CACNA1A: variants seen among roughly 807,000 people sequenced by gnomAD.
The protein encoded by CACNA1A is voltage-dependent P/Q-type calcium channel subunit alpha-1A.
Under a neutral mutation model 262.4 loss-of-function variants are expected in CACNA1A, and 57 were observed. The ratio of observed to expected loss-of-function variants is 0.22; its 90% CI spans 0.18 to 0.27. The LOEUF (loss-of-function observed/expected upper bound fraction) is 0.27, where lower values mean the gene tolerates loss of function less well. Among genes scored for constraint, CACNA1A ranks in the 10% least tolerant of loss-of-function variants. CACNA1A has a pLI of 1.00. For synonymous variants in CACNA1A, 1,431 were observed against 1,419.3 expected (o/e 1.01, Z -0.18); for missense variants, 2,526 against 3,562.8 (o/e 0.71, Z 7.41).
At chr19:13,428,205 G>A (rs1265003166) in intron 3 of CACNA1A, among the ~76,000 whole-genome samples, 1 of 152,132 alleles carries the variant, frequency 6.6e-6, no homozygotes, top group Admixed American at 6.5e-5. Context: ...TGGGATTATA[G>A]GCGTGAGCCA....
At chr19:13,239,449 T>C (rs2055995751) in intron 31 of CACNA1A, among the ~76,000 whole-genome samples, 1 of 152,196 alleles carries the variant, frequency 6.6e-6, no homozygotes, top group Non-Finnish European at 1.5e-5. Context: ...ATTTGACCGA[T>C]GCCTGCCTCC....
At chr19:13,487,911 T>C (rs544372109) in intron 1 of CACNA1A, among the ~76,000 whole-genome samples, 2 of 151,714 alleles carry the variant, frequency 1.3e-5, no homozygotes, top group African/African-American at 4.8e-5. Context: ...GCTCAAGGGA[T>C]CCCCCCACCT....
chr19:13,242,852 C>T lies in CACNA1A; in HGVS notation c.4950+2330G>A, dbSNP rs549748689. Among the ~76,000 whole-genome samples the T allele has an allele frequency of 2.0e-5, 3 of 152,252 alleles. No homozygotes were observed. The South Asian group carries it at 6.2e-4, about 32-fold the overall frequency. ...CCACTCTACATGAGAAGAGATAGCGCAAGTTGTCCAAGATCAAACAGCTGG... is the reference window on the plus strand; with the variant it reads ...CCACTCTACATGAGAAGAGATAGCGTAAGTTGTCCAAGATCAAACAGCTGG... On this transcript the variant is annotated intron_variant, in intron 31 of 46. Transcript: ENST00000360228.
intron 3 of CACNA1A, among the ~76,000 whole-genome samples, chr19:13,387,454 T>C (rs2059634337): frequency 6.6e-6 from 1 of 152,172 alleles, no homozygotes; most frequent in Non-Finnish European, 1.5e-5. Context: ...GGGGTTAAAC[T>C]ACTTGTCCAG....
At chr19:13,370,433 T>C (rs893881713) in intron 4 of CACNA1A, among the ~76,000 whole-genome samples, 1 of 151,692 alleles carries the variant, frequency 6.6e-6, no homozygotes, top group Non-Finnish European at 1.5e-5. Context: ...AAACTTTTTG[T>C]TGTCTGTTTT....
At chr19:13,503,590 C>G (rs1982643858) in intron 1 of CACNA1A, among the ~76,000 whole-genome samples, 1 of 151,938 alleles carries the variant, frequency 6.6e-6, no homozygotes. Context: ...TTCACTACCT[C>G]CCTCCCCAGG....
At chr19:13,468,613 C>G (rs1457810769) in intron 1 of CACNA1A, among the ~76,000 whole-genome samples, 2 of 152,058 alleles carry the variant, frequency 1.3e-5, no homozygotes, top group African/African-American at 2.4e-5. Flanking sequence ...ATGGTGAAAC[C>G]CTGTCTCCAC....
chr19:13,209,924 G>C (rs1047049229), intron 44 of CACNA1A, among the ~76,000 whole-genome samples: 1 of 152,212 alleles, frequency 6.6e-6, no homozygotes, highest in East Asian at 1.9e-4. Context: ...TCTCCTGGGA[G>C]GGTGAGAAGC....
chr19:13,391,926 A>C (rs1407792501), intron 3 of CACNA1A, among the ~76,000 whole-genome samples: 1 of 150,814 alleles, frequency 6.6e-6, no homozygotes, highest in South Asian at 2.1e-4. Context: ...AGCCCCAGCT[A>C]CTCGGGAGGC....
chr19:13,377,049 T>C (rs2059432558), intron 3 of CACNA1A, among the ~76,000 whole-genome samples: 1 of 151,976 alleles, frequency 6.6e-6, no homozygotes, highest in Non-Finnish European at 1.5e-5. Context: ...AACCTCTGAC[T>C]CCCAGGTTCA....
chr19:13,242,325 A>T (rs536073597), intron 31 of CACNA1A, among the ~76,000 whole-genome samples: 1 of 151,668 alleles, frequency 6.6e-6, no homozygotes, highest in African/African-American at 2.4e-5. Context: ...ACAGAGTTTC[A>T]CTCTGTCGCC....
intron 6 of CACNA1A, among the ~76,000 whole-genome samples, chr19:13,351,160 T>C (rs891458699): frequency 1.3e-5 from 2 of 152,164 alleles, no homozygotes; most frequent in African/African-American, 4.8e-5. Context: ...TTACCTACTC[T>C]ATTCTTCGGA....
At chr19:13,317,781 A>T (rs1469112929) in intron 10 of CACNA1A, among the ~76,000 whole-genome samples, 1 of 152,228 alleles carries the variant, frequency 6.6e-6, no homozygotes, top group Non-Finnish European at 1.5e-5. Flanking sequence ...ACTGAGGAAT[A>T]AGCTGGGTGT....
In CACNA1A at chr19:13,330,312, T is replaced by C. The variant is rs1225290298; in HGVS notation, c.1277A>G (p.Lys426Arg). The change falls in exon 10 of 47, where the codon AAG becomes AGG. Residue 426 changes from lysine (K) to arginine (R), a missense_variant. Lys to Arg is a conservative substitution (Grantham distance 26). Coordinates refer to ENST00000360228, the MANE Select transcript of CACNA1A (RefSeq NM_001127222.2). The stretch of plus-strand genomic sequence containing the variant: ...GTTGAGCAAATCTGTCTTGCTTTTC[T>C]TTATGGTGGTTCTCCGCAGAGCTCC... ...PFDALRRTTI[K>R]KSKTDLLNPE... 1.9e-6 allele frequency: 3 copies of C among 1,564,090 alleles called. No homozygotes were observed. Among genetic ancestry groups the C allele is most frequent in the Non-Finnish European group, 2.6e-6 (3 of 1,153,196 alleles).
At chr19:13,244,276 T>C (rs1363865568) in intron 31 of CACNA1A, 2 of 152,314 alleles carry the variant, frequency 1.3e-5, no homozygotes, top group African/African-American at 2.4e-5. Context: ...GTGCCTTCAG[T>C]TGAACCCTCC....
At position 13,286,493 on chromosome 19, in the gene CACNA1A, A is replaced by C; in HGVS notation, c.3553+10T>G. On this transcript the variant is annotated intron_variant, in intron 20 of 46. Transcript: ENST00000360228. ...CCCCTGCCCAGTGATGTGAGAGCAG[A>C]GGGTCTCACCTTGTACGACGGTGTG... The C allele has an allele frequency of 8.6e-7, 1 of 1,156,834 alleles. No individual in the cohort carries two copies. The highest frequency in any genetic ancestry group is 1.2e-6 in the Non-Finnish European group (1 of 824,962). The allele number at this position is 1,156,834 out of a possible 1,614,324, so 71.7% of individuals were successfully genotyped here. A position where few individuals can be genotyped will look rare whatever the true frequency, so the allele number is the denominator to read the frequency against.
intron 36 of CACNA1A, among the ~76,000 whole-genome samples, chr19:13,228,218 T>C (rs2055538604): frequency 6.6e-6 from 1 of 152,026 alleles, no homozygotes; most frequent in Admixed American, 6.6e-5. Flanking sequence ...ATCACTGTTA[T>C]TTCTACAGTT....
At chr19:13,484,038 T>A (rs1412836859) in intron 1 of CACNA1A, among the ~76,000 whole-genome samples, 1 of 152,104 alleles carries the variant, frequency 6.6e-6, no homozygotes, top group East Asian at 1.9e-4. Flanking sequence ...GTTTGGGGAT[T>A]GGGTGTGTGA....
chr19:13,505,893 G>A (rs1418203918), intron 1 of CACNA1A, 39 bp downstream of exon 1: 3 of 1,592,606 alleles, frequency 1.9e-6, no homozygotes, highest in Middle Eastern at 1.6e-4. Flanking sequence ...GGGAGGAGGG[G>A]GAGGCGCAGC....
Sources: allele counts gnomAD v4.1 joint callset (sites outside exome capture counted in the v4.1 genomes callset), GRCh38; gene constraint gnomAD v4.1.1; transcripts MANE v1.5; gene names NCBI Gene and HGNC (gene_info 2026-07-23, HGNC 2026-07-21).